CDKL2: variants seen among roughly 807,000 people sequenced by gnomAD.
CDKL2 encodes the protein cyclin-dependent kinase-like 2.
A neutral mutation model predicts 63.9 loss-of-function variants in CDKL2; 64 were observed. That is an observed-to-expected ratio of 1.00 (90% confidence interval 0.82 to 1.23). The LOEUF (loss-of-function observed/expected upper bound fraction) is 1.23. Ranked by LOEUF, CDKL2 falls within the 50% of genes most tolerant of loss-of-function variation. The pLI is 0.00. For synonymous variants in CDKL2, 211 were observed against 229.2 expected, an observed-to-expected ratio of 0.92 and a Z score of 0.72; for missense variants, 656 against 668.0, an observed-to-expected ratio of 0.98 and a Z score of 0.20.
In CDKL2 at chr4:75,577,575, A is replaced by T. The variant is rs1294828707; in HGVS notation, c.*1627T>A. Among the ~76,000 whole-genome samples, 1 of 152,246 alleles carries T rather than the reference A, an allele frequency of 6.6e-6. No individual in the cohort carries two copies. The highest frequency in any genetic ancestry group is 2.4e-5 in the African/African-American group (1 of 41,460). On this transcript the variant is annotated 3_prime_UTR_variant, in exon 14 of 14. Transcript: ENST00000307465. Reference sequence around the variant, plus strand: ...TTTACATAAAAATAGTATTGAAATAAGCCGAAGCGCCATTTGGCTTTAAGT... The same window carrying T: ...TTTACATAAAAATAGTATTGAAATATGCCGAAGCGCCATTTGGCTTTAAGT...
At chr4:75,607,532 T>C (rs1560585876) in intron 3 of CDKL2, among the ~76,000 whole-genome samples, 171 bp from the exon 4 acceptor site, 1 of 152,210 alleles carries the variant, frequency 6.6e-6, no homozygotes, top group Non-Finnish European at 1.5e-5. Flanking sequence ...AGAACATCTA[T>C]ACTTGAAATT....
chr4:75,594,814 G>C (rs1370298311), intron 10 of CDKL2, among the ~76,000 whole-genome samples: 1 of 152,186 alleles, frequency 6.6e-6, no homozygotes, highest in East Asian at 1.9e-4. Flanking sequence ...GGAATAACAA[G>C]GAAATCAGTG....
chr4:75,601,855 G>A (rs1038879673), intron 6 of CDKL2, among the ~76,000 whole-genome samples: 6 of 152,066 alleles, frequency 3.9e-5, no homozygotes, highest in East Asian at 1.9e-4. Context: ...CTTATTAAAC[G>A]TCATGAGTTA....
intron 1 of CDKL2, among the ~76,000 whole-genome samples, chr4:75,626,663 T>C (rs1178664527): frequency 2.7e-5 from 2 of 73,344 alleles, no homozygotes; most frequent in African/African-American, 4.8e-5. Context: ...TGAGACTCCA[T>C]CTCAAAAAAA....
chr4:75,580,434 G>A (rs1006893196), intron 13 of CDKL2, among the ~76,000 whole-genome samples: 3 of 152,062 alleles, frequency 2.0e-5, no homozygotes, highest in Non-Finnish European at 4.4e-5. Flanking sequence ...GGGAGGCCAA[G>A]ACGGGCAGAT....
intron 3 of CDKL2, among the ~76,000 whole-genome samples, chr4:75,613,008 C>G (rs2148899405): frequency 6.6e-6 from 1 of 152,266 alleles, no homozygotes; most frequent in Non-Finnish European, 1.5e-5. Flanking sequence ...GCCTGTAGTC[C>G]CAGCTACTCC....
intron 10 of CDKL2, 60 bp from the exon 11 acceptor site, chr4:75,592,329 T>G: frequency 7.1e-7 from 1 of 1,408,058 alleles, no homozygotes; most frequent in Non-Finnish European, 9.3e-7. Flanking sequence ...TAGGCTTTCC[T>G]TCTTCTGTAA....
At chr4:75,618,673 A>C (rs553504089) in intron 2 of CDKL2, among the ~76,000 whole-genome samples, 61 of 152,306 alleles carry the variant, frequency 4.0e-4, no homozygotes, top group African/African-American at 1.3e-3. Flanking sequence ...CAGAGAGTTA[A>C]CCTCGGGACT....
intron 10 of CDKL2, 54 bp from the exon 11 acceptor site, chr4:75,592,323 C>CT: frequency 1.4e-6 from 2 of 1,432,852 alleles, no homozygotes. Context: ...GTTAGCTAGG[C>CT]TTTCCTTCTT....
At chr4:75,622,715 C>CAAAAAAAAAAAAAAAAAA (rs1171964321) in intron 2 of CDKL2, among the ~76,000 whole-genome samples, 2 of 13,956 alleles carry the variant, frequency 1.4e-4, no homozygotes, top group African/African-American at 5.2e-4. Context: ...AAGACTCCAT[C>CAAAAAAAAAAAAAAAAAA]AAAAAAAAAA....
At chr4:75,589,124 C>T (rs1022686469) in intron 12 of CDKL2, among the ~76,000 whole-genome samples, 2 of 152,068 alleles carry the variant, frequency 1.3e-5, no homozygotes, top group Non-Finnish European at 1.5e-5. Context: ...ACATCTTTGT[C>T]GTTAGGGAAA....
chr4:75,620,811 T>A (rs1235032310), intron 2 of CDKL2, among the ~76,000 whole-genome samples: 1 of 152,128 alleles, frequency 6.6e-6, no homozygotes, highest in East Asian at 1.9e-4. Context: ...GCTGGTGAAA[T>A]CCTTTCATTT....
intron 3 of CDKL2, among the ~76,000 whole-genome samples, chr4:75,613,006 T>TC (rs1729771665): frequency 6.6e-6 from 1 of 152,066 alleles, no homozygotes; most frequent in South Asian, 2.1e-4. Flanking sequence ...GCGCCTGTAG[T>TC]CCCAGCTACT....
chr4:75,589,850 C>A (rs1014493746), intron 12 of CDKL2, among the ~76,000 whole-genome samples: 6 of 152,070 alleles, frequency 3.9e-5, no homozygotes, highest in African/African-American at 1.2e-4. Flanking sequence ...GGCATGGTAG[C>A]CTGCACCTGT....
intron 3 of CDKL2, among the ~76,000 whole-genome samples, chr4:75,608,849 C>T (rs912481977): frequency 6.6e-6 from 1 of 152,044 alleles, no homozygotes; most frequent in African/African-American, 2.4e-5. Context: ...AAAAAAGTAG[C>T]TGGGCGTGCT....
chr4:75,610,633 A>G (rs533335908), intron 3 of CDKL2, among the ~76,000 whole-genome samples: 42 of 152,326 alleles, frequency 2.8e-4, no homozygotes, highest in African/African-American at 8.9e-4. Context: ...TTCAATGGGC[A>G]GCAATCTTAA....
chr4:75,612,225 G>A (rs1578343626), intron 3 of CDKL2, among the ~76,000 whole-genome samples: 2 of 152,180 alleles, frequency 1.3e-5, no homozygotes, highest in African/African-American at 2.4e-5. Context: ...AGACCACGTC[G>A]GCCCCACAAA....
At chr4:75,627,296 G>A (rs1488128947) in intron 1 of CDKL2, among the ~76,000 whole-genome samples, 1 of 151,896 alleles carries the variant, frequency 6.6e-6, no homozygotes, top group African/African-American at 2.4e-5. Context: ...TGTTTGGGAC[G>A]GAGTCTTGCT....
At chr4:75,609,826 T>A (rs917017465) in intron 3 of CDKL2, among the ~76,000 whole-genome samples, 1 of 152,010 alleles carries the variant, frequency 6.6e-6, no homozygotes, top group Non-Finnish European at 1.5e-5. Flanking sequence ...CTGAGCACGT[T>A]GTATAGGCTA....
Sources: allele counts gnomAD v4.1 joint callset (sites outside exome capture counted in the v4.1 genomes callset), GRCh38; gene constraint gnomAD v4.1.1; transcripts MANE v1.5; gene names NCBI Gene and HGNC (gene_info 2026-07-23, HGNC 2026-07-21).